FGF13: variants seen among roughly 807,000 people sequenced by gnomAD.
FGF13 encodes the protein fibroblast growth factor 13.
FGF13 carries 2 observed loss-of-function variants against 19.5 expected under a neutral mutation model. The observed-to-expected ratio is 0.10, with a 90% CI of 0.04 to 0.32. The LOEUF (loss-of-function observed/expected upper bound fraction) is 0.32, where lower values mean the gene tolerates loss of function less well. Among genes scored for constraint, FGF13 ranks in the 10% least tolerant of loss-of-function variants. The pLI, the probability that FGF13 is intolerant of heterozygous loss-of-function variation, is 1.00. For synonymous variants in FGF13, 72 were observed against 76.9 expected, an observed-to-expected ratio of 0.94 and a Z score of 0.33; for missense variants, 113 against 192.7, an observed-to-expected ratio of 0.59 and a Z score of 2.45.
chrX:139,043,811 G>A (rs1464132678), intron 1 of FGF13, among the ~76,000 whole-genome samples: 2 of 112,347 alleles, frequency 1.8e-5, no homozygotes, highest in Non-Finnish European at 3.8e-5. Flanking sequence ...TCTGTCACAT[G>A]CTACATCACG....
chrX:139,141,308 C>T (rs2083843404), intron 1 of FGF13, among the ~76,000 whole-genome samples: 1 of 111,897 alleles, frequency 8.9e-6, no homozygotes, highest in African/African-American at 3.3e-5. Flanking sequence ...TTTGGCTTAT[C>T]CCTCAGAGCC....
At chrX:138,898,729 T>C (rs1165763657) in intron 1 of FGF13, among the ~76,000 whole-genome samples, 2 of 111,893 alleles carry the variant, frequency 1.8e-5, no homozygotes, top group African/African-American at 6.5e-5. Context: ...AAGAGAATCA[T>C]TTCTTTTAAC....
At chrX:138,782,859 A>C (rs1203218265) in intron 3 of FGF13, among the ~76,000 whole-genome samples, 4 of 94,007 alleles carry the variant, frequency 4.3e-5, no homozygotes, top group Admixed American at 1.2e-4. Flanking sequence ...TCGCCAAGTC[A>C]ATCCTAAGCC....
At chrX:139,049,015 A>G (rs1457650058) in intron 1 of FGF13, among the ~76,000 whole-genome samples, 1 of 111,466 alleles carries the variant, frequency 9.0e-6, no homozygotes, top group African/African-American at 3.3e-5. Context: ...ATATTTCTCT[A>G]TTTATTATGA....
At chrX:138,670,991 G>A (rs1268311874) in intron 3 of FGF13, among the ~76,000 whole-genome samples, 1 of 110,641 alleles carries the variant, frequency 9.0e-6, no homozygotes, top group Non-Finnish European at 1.9e-5. Context: ...AAGTTTCAAT[G>A]CTGTTCTTTA....
chrX:138,810,071 T>G (rs2090908759), intron 3 of FGF13, among the ~76,000 whole-genome samples: 1 of 111,906 alleles, frequency 8.9e-6, no homozygotes, highest in Admixed American at 9.5e-5. Context: ...AATGACTTTC[T>G]TCACAGAATT....
intron 1 of FGF13, among the ~76,000 whole-genome samples, chrX:138,872,694 G>C (rs1311406051): frequency 8.9e-6 from 1 of 112,101 alleles, no homozygotes; most frequent in Non-Finnish European, 1.9e-5. Context: ...TAGCATAACA[G>C]TGCTGGCTTC....
intron 1 of FGF13, among the ~76,000 whole-genome samples, chrX:139,136,907 T>C (rs1393984367): frequency 8.9e-6 from 1 of 111,828 alleles, no homozygotes; most frequent in Non-Finnish European, 1.9e-5. Context: ...AATTAAAGAA[T>C]GGTGGAAACC....
intron 1 of FGF13, among the ~76,000 whole-genome samples, chrX:139,072,453 A>T (rs763422204): frequency 9.9e-4 from 111 of 111,635 alleles, no homozygotes; most frequent in Non-Finnish European, 1.6e-3. Flanking sequence ...CTGTTGTTTA[A>T]GCCACCCAAG....
At chrX:138,921,557 C>T (rs2091645267) in intron 1 of FGF13, among the ~76,000 whole-genome samples, 1 of 111,451 alleles carries the variant, frequency 9.0e-6, no homozygotes. Context: ...TTACTTCCAA[C>T]TTTCGTGGTA....
intron 3 of FGF13, among the ~76,000 whole-genome samples, chrX:138,842,938 C>T (rs2091159246): frequency 8.9e-6 from 1 of 111,836 alleles, no homozygotes; most frequent in African/African-American, 3.2e-5. Flanking sequence ...CAGATTTGCT[C>T]ACTGGGTTTT....
intron 1 of FGF13, among the ~76,000 whole-genome samples, chrX:138,975,600 T>A (rs765510442): frequency 9.0e-6 from 1 of 110,527 alleles, no homozygotes; most frequent in African/African-American, 3.3e-5. Context: ...TTGGAGTAGA[T>A]AGGATTTGAA....
intron 1 of FGF13, among the ~76,000 whole-genome samples, chrX:139,123,038 C>T (rs983227169): frequency 5.4e-5 from 6 of 110,831 alleles, no homozygotes; most frequent in Admixed American, 9.7e-5. Flanking sequence ...CCAGATATTG[C>T]CAAATGTTCC....
chrX:138,764,249 T>C lies in FGF13; in HGVS notation c.218-55321A>G, dbSNP rs1602805774. Reference sequence around the variant, plus strand: ...AAACCTCAACACGAGGGGCTGCTTTTCCAGATGAAAGCATGTGTAATTAAC... The same window carrying C: ...AAACCTCAACACGAGGGGCTGCTTTCCCAGATGAAAGCATGTGTAATTAAC... On this transcript the variant is annotated intron_variant, in intron 3 of 6. Coordinates refer to the FGF13 transcript ENST00000436198. Among the ~76,000 whole-genome samples, 6 of 112,313 alleles carry C rather than the reference T, an allele frequency of 5.3e-5. 1 individual carries two copies. The Admixed American group carries it at 5.7e-4, about 11-fold the overall frequency.
intron 3 of FGF13, among the ~76,000 whole-genome samples, chrX:138,829,313 G>A (rs1019528160): frequency 3.6e-5 from 4 of 111,480 alleles, no homozygotes; most frequent in African/African-American, 1.3e-4. Flanking sequence ...GATCCCTCTT[G>A]AATAGAGTAA....
At chrX:138,708,537 G>A (rs995245009) in intron 2 of FGF13, among the ~76,000 whole-genome samples, 1 of 111,890 alleles carries the variant, frequency 8.9e-6, no homozygotes, top group African/African-American at 3.3e-5. Context: ...TGGGAAAAAA[G>A]TAATAAAATC....
intron 3 of FGF13, among the ~76,000 whole-genome samples, chrX:138,835,986 A>G (rs1205930753): frequency 9.1e-6 from 1 of 110,150 alleles, no homozygotes; most frequent in Admixed American, 9.7e-5. Context: ...AAAAAAAAAA[A>G]GAGAGAGAAT....
At chrX:138,860,876 G>A (rs1468546224) in intron 2 of FGF13, among the ~76,000 whole-genome samples, 2 of 111,907 alleles carry the variant, frequency 1.8e-5, no homozygotes, top group Non-Finnish European at 3.8e-5. Context: ...CCCCAGCCTC[G>A]AAAACACAGC....
At chrX:138,732,464 T>C (rs934579109) in intron 1 of FGF13, among the ~76,000 whole-genome samples, 2 of 111,606 alleles carry the variant, frequency 1.8e-5, no homozygotes, top group Admixed American at 9.5e-5. Flanking sequence ...AACAGTATTC[T>C]GGGTGAAAGT....
Sources: gnomAD v4.1 joint callset for allele counts (sites outside exome capture counted in the v4.1 genomes callset) on GRCh38, gnomAD v4.1.1 for gene constraint, MANE v1.5 for transcripts, NCBI Gene and HGNC (gene_info 2026-07-23, HGNC 2026-07-21) for gene names.